CCDC148: variants seen among roughly 807,000 people sequenced by gnomAD.
CCDC148 encodes the protein coiled-coil domain-containing protein 148.
A neutral mutation model predicts 85.7 loss-of-function variants in CCDC148; 89 were observed. The ratio of observed to expected loss-of-function variants is 1.04; its 90% CI spans 0.87 to 1.24. The LOEUF (loss-of-function observed/expected upper bound fraction) is 1.24, where lower values mean the gene tolerates loss of function less well. Among genes scored for constraint, CCDC148 ranks in the 50% most tolerant of loss-of-function variants. The probability of loss-of-function intolerance (pLI) is 0.00; values close to 1 mark genes in which losing one functional copy is unlikely to be tolerated. For synonymous variants in CCDC148, 230 were observed against 213.9 expected, an observed-to-expected ratio of 1.08 and a Z score of -0.66; for missense variants, 692 against 671.7, an observed-to-expected ratio of 1.03 and a Z score of -0.33.
Position 158,275,253 on chromosome 2 carries a change from T to C in CCDC148, c.1111-24341A>G, listed in dbSNP as rs57221468. Among the ~76,000 whole-genome samples the C allele has an allele frequency of 7.3e-3, 1,118 of 152,332 alleles. 19 individuals carry two copies. The highest frequency in any genetic ancestry group is 0.026 in the African/African-American group (1,067 of 41,574). The stretch of plus-strand genomic sequence containing the variant: ...TTCTGGCTAGCCAATTTTCTGTGAC[T>C]CAATGTCCTTACCTGTGGCTTCAGG... On this transcript the variant is annotated intron_variant, in intron 9 of 13. Transcript: ENST00000283233.
At chr2:158,313,694 T>A (rs1692146389) in intron 8 of CCDC148, 62 bp downstream of exon 8, 6 of 1,486,850 alleles carry the variant, frequency 4.0e-6, no homozygotes, top group East Asian at 4.6e-5. Context: ...GTACATTGCT[T>A]AATAATTATT....
rs186035378 is a variant in CCDC148, at chr2:158,247,211, A to C, written c.1251+3561T>G. ...AAGTATGAATAAGTGAGTTACAGAG[A>C]AAGAAAACTCTCCAGTAAACATGAA... On this transcript the variant is annotated intron_variant, in intron 10 of 13. Coordinates refer to ENST00000283233, the MANE Select transcript of CCDC148 (RefSeq NM_138803.4). Among the ~76,000 whole-genome samples, 17 of 152,332 alleles carry C rather than the reference A, an allele frequency of 1.1e-4. No homozygotes were observed. The East Asian group carries it at 3.1e-3, about 28-fold the overall frequency.
intron 2 of CCDC148, among the ~76,000 whole-genome samples, chr2:158,351,745 G>T (rs1306651221): frequency 6.6e-6 from 1 of 151,752 alleles, no homozygotes; most frequent in East Asian, 1.9e-4. Flanking sequence ...AGGCCTGCCT[G>T]CCTCTGTAGG....
At chr2:158,435,886 A>T (rs927228518) in intron 1 of CCDC148, among the ~76,000 whole-genome samples, 4 of 152,164 alleles carry the variant, frequency 2.6e-5, no homozygotes, top group Non-Finnish European at 5.9e-5. Context: ...AAGAAGGCCA[A>T]TACATAATGG....
At chr2:158,310,638 C>A (rs538840618) in intron 8 of CCDC148, among the ~76,000 whole-genome samples, 1 of 151,258 alleles carries the variant, frequency 6.6e-6, no homozygotes, top group Non-Finnish European at 1.5e-5. Context: ...CCTCAGTTCC[C>A]AGACGGGGTC....
chr2:158,340,606 G>GT lies in CCDC148; in HGVS notation c.325dup (p.Thr109AsnfsTer4), dbSNP rs772800305. On this transcript the variant is annotated frameshift_variant, in exon 4 of 14. Transcript: ENST00000283233. LOFTEE classifies it high-confidence loss of function. The stretch of plus-strand genomic sequence containing the variant: ...GATCAAAAAAATCTTACCAAAATTT[G>GT]TAAGGTCACAAAGACATTCATTTCC... 16 of 1,577,986 alleles carry GT rather than the reference G, an allele frequency of 1.0e-5. No homozygotes were observed. Among genetic ancestry groups the GT allele is most frequent in the Non-Finnish European group, 1.7e-6 (2 of 1,161,842 alleles).
At position 158,318,200 on chromosome 2, in the gene CCDC148, G is replaced by A. The variant is rs548862996; in HGVS notation, c.765-4306C>T. Among the ~76,000 whole-genome samples, 91 of 152,252 alleles carry A rather than the reference G, an allele frequency of 6.0e-4. 1 individual carries two copies. Among genetic ancestry groups the A allele is most frequent in the African/African-American group, 2.0e-3 (82 of 41,544 alleles). On this transcript the variant is annotated intron_variant, in intron 7 of 13. Transcript: ENST00000283233. The stretch of plus-strand genomic sequence containing the variant: ...TGATTTTCAGTCTGGTTTATAGGAG[G>A]CTCCCTGCTCCCAGACCCATTTCTG...
rs189640740 is a variant in CCDC148 at position 158,208,076 on chromosome 2, T to A, written c.1370+12519A>T. 7.2e-5 allele frequency among the ~76,000 whole-genome samples: 11 copies of A among 152,082 alleles called. No homozygotes were observed. The East Asian group carries it at 1.4e-3, about 19-fold the overall frequency. On this transcript the variant is annotated intron_variant, in intron 11 of 13. Transcript: ENST00000283233. Reference sequence around the variant, plus strand: ...TGAACTTTAAAATTCCATTCACAGGTCATGGAATATAAAGATAGATCATGA... The same window carrying A: ...TGAACTTTAAAATTCCATTCACAGGACATGGAATATAAAGATAGATCATGA...
intron 10 of CCDC148, among the ~76,000 whole-genome samples, chr2:158,225,793 C>T (rs1303934672): frequency 6.6e-6 from 1 of 152,134 alleles, no homozygotes; most frequent in Admixed American, 6.5e-5. Flanking sequence ...ATCTCTGGGA[C>T]ACATTCAAAG....
chr2:158,419,339 T>C (rs1686658100), intron 1 of CCDC148, among the ~76,000 whole-genome samples: 1 of 152,218 alleles, frequency 6.6e-6, no homozygotes, highest in Admixed American at 6.5e-5. Flanking sequence ...AACCTTTTTT[T>C]ACAAGATAAT....
intron 3 of CCDC148, among the ~76,000 whole-genome samples, chr2:158,341,743 T>C (rs1013228041): frequency 1.3e-5 from 2 of 152,106 alleles, no homozygotes; most frequent in African/African-American, 4.8e-5. Flanking sequence ...AAGAGTTTTA[T>C]GATTATTACA....
intron 9 of CCDC148, among the ~76,000 whole-genome samples, chr2:158,308,846 G>A (rs1349654332): frequency 6.6e-6 from 1 of 152,064 alleles, no homozygotes; most frequent in Non-Finnish European, 1.5e-5. Flanking sequence ...TCTGAGCATT[G>A]CTCCAGTCCT....
At chr2:158,275,084 C>A (rs1689867757) in intron 9 of CCDC148, among the ~76,000 whole-genome samples, 5 of 152,218 alleles carry the variant, frequency 3.3e-5, no homozygotes, top group Admixed American at 3.3e-4. Context: ...GAAGAAGAAA[C>A]ACTTGCTCTC....
chr2:158,226,277 G>A lies in CCDC148; in HGVS notation c.1252-5564C>T, dbSNP rs1252171679. 5.3e-5 allele frequency among the ~76,000 whole-genome samples: 8 copies of A among 152,098 alleles called. No homozygotes were observed. The East Asian group carries it at 1.4e-3, about 26-fold the overall frequency. On this transcript the variant is annotated intron_variant, in intron 10 of 13. Coordinates refer to ENST00000283233, the MANE Select transcript of CCDC148 (RefSeq NM_138803.4). ...CAGGAAGAAGTTGAATCTCTGAAGA[G>A]ACCAATAACAGGCTCTGAAATTGAG...
chr2:158,271,773 T>C (rs1388188760), intron 9 of CCDC148, among the ~76,000 whole-genome samples: 1 of 152,188 alleles, frequency 6.6e-6, no homozygotes, highest in Non-Finnish European at 1.5e-5. Flanking sequence ...TGGACTGTAT[T>C]CCTCATGGAT....
At position 158,220,672 on chromosome 2, in the gene CCDC148, T is replaced by A. The variant is rs948327229; in HGVS notation, c.1293A>T (p.Glu431Asp). 1 of 1,590,868 alleles carries A rather than the reference T, an allele frequency of 6.3e-7. No individual in the cohort carries two copies. ...GACGCTGAAGATCTCTCATTTCCAT[T>A]TCTTGCCACTTCTGTTTTTTCTTGG... is the stretch of plus-strand genomic sequence containing the variant. ...YWAKKKQKWQ[E>D]MEMRDLQRLE... The change falls in exon 11 of 14, where the codon GAA becomes GAT. Residue 431 changes from glutamate (E) to aspartate (D), a missense_variant. Glu to Asp is a conservative substitution (Grantham distance 45). Transcript: ENST00000283233.
intron 9 of CCDC148, among the ~76,000 whole-genome samples, chr2:158,306,687 G>A (rs2105205454): frequency 6.6e-6 from 1 of 151,974 alleles, no homozygotes; most frequent in Non-Finnish European, 1.5e-5. Context: ...GCAGGGTGGG[G>A]GAAGGGGGGA....
chr2:158,335,528 T>C (rs1400226185), intron 7 of CCDC148, among the ~76,000 whole-genome samples: 3 of 152,090 alleles, frequency 2.0e-5, no homozygotes, highest in Admixed American at 2.0e-4. Flanking sequence ...CTCACACTCA[T>C]GGCAGAAGGC....
At chr2:158,431,438 T>TA (rs1687344277) in intron 1 of CCDC148, among the ~76,000 whole-genome samples, 1 of 149,280 alleles carries the variant, frequency 6.7e-6, no homozygotes, top group Admixed American at 6.7e-5. Context: ...ACTATACAAG[T>TA]CAAAAAAAAT....
Sources: allele counts gnomAD v4.1 joint callset (sites outside exome capture counted in the v4.1 genomes callset), GRCh38; gene constraint gnomAD v4.1.1; transcripts MANE v1.5; gene names NCBI Gene and HGNC (gene_info 2026-07-23, HGNC 2026-07-21).